Variants in RBM27 observed in about 807,000 individuals in gnomAD.
RBM27 encodes RNA-binding protein 27.
In RBM27, 22 loss-of-function variants were observed where a neutral mutation model predicts 135.3. The ratio of observed to expected loss-of-function variants is 0.16; its 90% CI spans 0.12 to 0.23. RBM27 has a LOEUF of 0.23. RBM27 is among the 10% of genes least tolerant of loss of function. RBM27 has a pLI of 1.00. For synonymous variants in RBM27, 481 were observed against 442.4 expected (o/e 1.09, Z -1.10); for missense variants, 1,009 against 1,281.0 (o/e 0.79, Z 3.24).
chr5:146,224,710 A>G (rs1051557036), intron 3 of RBM27, among the ~76,000 whole-genome samples: 1 of 152,054 alleles, frequency 6.6e-6, no homozygotes, highest in African/African-American at 2.4e-5. Flanking sequence ...TTACGAGAAT[A>G]ATACCCAAAA....
chr5:146,277,344 A>C (rs1759133389), intron 19 of RBM27, among the ~76,000 whole-genome samples: 1 of 152,096 alleles, frequency 6.6e-6, no homozygotes, highest in South Asian at 2.1e-4. Flanking sequence ...AGAATTGTTC[A>C]TGTTTATGAA....
At position 146,262,548 on chromosome 5, in the gene RBM27, G is replaced by A. The variant is rs78583411; in HGVS notation, c.2190+742G>A. 6.0e-3 allele frequency among the ~76,000 whole-genome samples: 914 copies of A among 152,304 alleles called. 11 individuals are homozygous for A. Among genetic ancestry groups the A allele is most frequent in the African/African-American group, 0.021 (877 of 41,560 alleles). On this transcript the variant is annotated intron_variant, in intron 13 of 20. Transcript: ENST00000265271. ...TCAGAGCCATTCAGAGATTGACCTA[G>A]ATAATCTCATGCTTAGATTAAATAC... is the stretch of plus-strand genomic sequence containing the variant.
intron 1 of RBM27, among the ~76,000 whole-genome samples, chr5:146,217,799 C>T (rs1756277634): frequency 6.6e-6 from 1 of 151,948 alleles, no homozygotes; most frequent in Non-Finnish European, 1.5e-5. Context: ...CTCACTCTGT[C>T]ACCCAGGCTG....
At chr5:146,276,065 C>A (rs937400947) in intron 19 of RBM27, among the ~76,000 whole-genome samples, 2 of 151,960 alleles carry the variant, frequency 1.3e-5, no homozygotes, top group African/African-American at 4.8e-5. Context: ...TTGCACCTGG[C>A]TAGTTTTTTT....
rs1454104650 is a variant in RBM27 at position 146,260,801 on chromosome 5, A to T, written c.1796A>T (p.Asn599Ile). 6.2e-7 allele frequency: 1 copy of T among 1,613,546 alleles called. No individual in the cohort carries two copies. The change falls in exon 12 of 21, where the codon AAC becomes ATC. Residue 599 changes from asparagine (N) to isoleucine (I), a missense_variant. Transcript: ENST00000265271. ...TTCTTACGAAAGAATCAGTATACAAACACCAAATTAGAAGTCAAGAAAATC... is the reference window on the plus strand; with the variant it reads ...TTCTTACGAAAGAATCAGTATACAATCACCAAATTAGAAGTCAAGAAAATC... Reference protein sequence around the residue: ...PGFLRKNQYTNTKLEVKKIPQ... With the variant: ...PGFLRKNQYTITKLEVKKIPQ...
intron 1 of RBM27, among the ~76,000 whole-genome samples, chr5:146,218,145 A>T (rs1369677459): frequency 7.1e-6 from 1 of 141,580 alleles, no homozygotes. Context: ...TATTTTATAT[A>T]TGTGTGTGTA....
intron 17 of RBM27, 58 bp from the exon 18 acceptor site, chr5:146,270,896 T>C: frequency 9.4e-7 from 1 of 1,062,950 alleles, no homozygotes; most frequent in Non-Finnish European, 1.4e-6. Context: ...TATCATGTTC[T>C]GGAGGAGATC....
At position 146,233,439 on chromosome 5, in the gene RBM27, T is replaced by C. The variant is rs1212076242; in HGVS notation, c.851-11T>C. 6.6e-7 allele frequency: 1 copy of C among 1,523,900 alleles called. No homozygotes were observed. The highest frequency in any genetic ancestry group is 1.3e-5 in the South Asian group (1 of 77,372). 94.4% of individuals were successfully genotyped at this position (1,523,900 alleles called of 1,614,324 possible). A position where few individuals can be genotyped will look rare whatever the true frequency, so the allele number is the denominator to read the frequency against. On this transcript the variant is annotated splice_polypyrimidine_tract_variant and intron_variant, in intron 6 of 20. Transcript: ENST00000265271. Reference sequence around the variant, plus strand: ...GATAATAAGATTCTTTTTTTATTCTTTATTCCACAGAAAGAGGATTTTGTG... The same window carrying C: ...GATAATAAGATTCTTTTTTTATTCTCTATTCCACAGAAAGAGGATTTTGTG...
At chr5:146,268,649 C>T (rs961165347) in intron 15 of RBM27, among the ~76,000 whole-genome samples, 7 of 152,138 alleles carry the variant, frequency 4.6e-5, no homozygotes, top group Admixed American at 6.5e-5. Flanking sequence ...GTGTCATGAT[C>T]ATGGCCCAGT....
intron 3 of RBM27, among the ~76,000 whole-genome samples, chr5:146,223,812 A>G (rs1756557857): frequency 6.6e-6 from 1 of 152,226 alleles, no homozygotes; most frequent in South Asian, 2.1e-4. Flanking sequence ...TTAAATATAG[A>G]GAGATTGACT....
intron 10 of RBM27, among the ~76,000 whole-genome samples, chr5:146,256,056 A>G (rs111269825): frequency 0.099 from 14,908 of 151,072 alleles, 985 homozygotes; most frequent in African/African-American, 0.19. Flanking sequence ...GGGTTTCACC[A>G]TGTTGGCCAG....
intron 1 of RBM27, among the ~76,000 whole-genome samples, chr5:146,218,452 T>G (rs1009351279): frequency 1.3e-5 from 2 of 152,242 alleles, no homozygotes; most frequent in Non-Finnish European, 2.9e-5. Flanking sequence ...TAAATGCCAT[T>G]CTTTTCATGT....
intron 13 of RBM27, among the ~76,000 whole-genome samples, chr5:146,262,462 C>T (rs1257593215): frequency 4.6e-5 from 7 of 152,112 alleles, no homozygotes; most frequent in Admixed American, 4.6e-4. Context: ...ACATATTGCT[C>T]AAAGCATATT....
intron 1 of RBM27, among the ~76,000 whole-genome samples, chr5:146,217,030 G>A (rs901758915): frequency 1.3e-5 from 2 of 152,018 alleles, no homozygotes; most frequent in Non-Finnish European, 1.5e-5. Context: ...GCAGTGGTGC[G>A]ATCTCAGCTC....
chr5:146,261,195 G>C (rs1438688869), intron 12 of RBM27, among the ~76,000 whole-genome samples: 1 of 152,182 alleles, frequency 6.6e-6, no homozygotes, highest in Non-Finnish European at 1.5e-5. Flanking sequence ...ATTTCCTAGG[G>C]AGTGCTGTCT....
chr5:146,281,512 A>T (rs1759350753), intron 19 of RBM27, among the ~76,000 whole-genome samples: 1 of 152,208 alleles, frequency 6.6e-6, no homozygotes, highest in South Asian at 2.1e-4. Flanking sequence ...GTCTTGGGCC[A>T]CACATAAAAT....
intron 1 of RBM27, among the ~76,000 whole-genome samples, chr5:146,217,174 C>T (rs962624681): frequency 6.6e-6 from 1 of 151,802 alleles, no homozygotes; most frequent in African/African-American, 2.4e-5. Context: ...GTCATGTTGT[C>T]CAGGCTGGTC....
chr5:146,223,344 T>G, intron 2 of RBM27, 59 bp from the exon 3 acceptor site: 1 of 1,483,936 alleles, frequency 6.7e-7, no homozygotes, highest in Non-Finnish European at 9.1e-7. Flanking sequence ...GCTGACAATG[T>G]GTTGTCAAAT....
At chr5:146,240,910 G>A (rs550787822) in intron 8 of RBM27, among the ~76,000 whole-genome samples, 1 of 152,186 alleles carries the variant, frequency 6.6e-6, no homozygotes, top group East Asian at 1.9e-4. Flanking sequence ...AAGTAAAGAG[G>A]ACAGTATATG....
Sources: gnomAD v4.1 joint callset for allele counts (sites outside exome capture counted in the v4.1 genomes callset) on GRCh38, gnomAD v4.1.1 for gene constraint, MANE v1.5 for transcripts, NCBI Gene and HGNC (gene_info 2026-07-23, HGNC 2026-07-21) for gene names.